LRRC7: variants seen among roughly 807,000 people sequenced by gnomAD.
The protein encoded by LRRC7 is leucine-rich repeat-containing protein 7.
LRRC7 carries 23 observed loss-of-function variants against 175.7 expected under a neutral mutation model. The ratio of observed to expected loss-of-function variants is 0.13; its 90% CI spans 0.09 to 0.19. The LOEUF (loss-of-function observed/expected upper bound fraction) is 0.19. LRRC7 is among the 10% of genes least tolerant of loss of function. The pLI, the probability that LRRC7 is intolerant of heterozygous loss-of-function variation, is 1.00. For missense variants in LRRC7, 1,354 were observed against 1,904.7 expected (o/e 0.71, Z 5.38); for synonymous variants, 685 against 680.9 (o/e 1.01, Z -0.09).
intron 25 of LRRC7, among the ~76,000 whole-genome samples, chr1:70,107,180 A>G (rs1340863692): frequency 6.6e-6 from 1 of 152,264 alleles, no homozygotes; most frequent in Admixed American, 6.5e-5. Flanking sequence ...CCACATAGTC[A>G]TAAACTTTAT....
intron 11 of LRRC7, among the ~76,000 whole-genome samples, chr1:70,000,108 A>C (rs988539121): frequency 3.3e-5 from 5 of 152,168 alleles, no homozygotes; most frequent in African/African-American, 1.2e-4. Context: ...CCTACTAATT[A>C]CTGGGGAAAC....
chr1:69,844,772 A>G (rs1200797137), intron 7 of LRRC7, among the ~76,000 whole-genome samples: 1 of 152,088 alleles, frequency 6.6e-6, no homozygotes, highest in African/African-American at 2.4e-5. Context: ...ACTATATTTT[A>G]CCATACTGTT....
chr1:69,819,236 C>T (rs563686529), intron 4 of LRRC7, among the ~76,000 whole-genome samples: 1 of 151,930 alleles, frequency 6.6e-6, no homozygotes, highest in Non-Finnish European at 1.5e-5. Flanking sequence ...TGCTGAATCC[C>T]ATAAGTTTTG....
chr1:69,916,019 C>T (rs1336483893), intron 7 of LRRC7, among the ~76,000 whole-genome samples: 7 of 126,984 alleles, frequency 5.5e-5, no homozygotes, highest in African/African-American at 1.5e-4. Context: ...GTGGTCTTAG[C>T]TATTTTATAT....
At chr1:69,618,979 T>C (rs1463417896) in intron 1 of LRRC7, among the ~76,000 whole-genome samples, 1 of 152,186 alleles carries the variant, frequency 6.6e-6, no homozygotes, top group Non-Finnish European at 1.5e-5. Flanking sequence ...AACTATCAAA[T>C]TTAGAAGCAC....
At chr1:69,901,579 G>A (rs1459131806) in intron 7 of LRRC7, among the ~76,000 whole-genome samples, 2 of 152,132 alleles carry the variant, frequency 1.3e-5, no homozygotes, top group East Asian at 3.9e-4. Context: ...ATGACCTACT[G>A]TAGCCTGATA....
chr1:69,792,420 C>T (rs1344986640), intron 4 of LRRC7, among the ~76,000 whole-genome samples: 3 of 151,944 alleles, frequency 2.0e-5, no homozygotes, highest in African/African-American at 4.8e-5. Flanking sequence ...TTTCTAGAAT[C>T]GTTTACTGCC....
intron 7 of LRRC7, among the ~76,000 whole-genome samples, chr1:69,890,963 T>C (rs960964099): frequency 7.2e-5 from 11 of 152,266 alleles, no homozygotes; most frequent in Non-Finnish European, 1.6e-4. Context: ...GAGAATGTTG[T>C]GGCTGGTTTG....
intron 1 of LRRC7, among the ~76,000 whole-genome samples, chr1:69,677,286 A>T (rs903309548): frequency 6.7e-6 from 1 of 149,190 alleles, no homozygotes; most frequent in African/African-American, 2.4e-5. Context: ...CATACATATC[A>T]TATATATCCC....
At chr1:69,717,969 GA>G (rs1557642443) in intron 2 of LRRC7, among the ~76,000 whole-genome samples, 5 of 96,368 alleles carry the variant, frequency 5.2e-5, no homozygotes, top group Non-Finnish European at 1.1e-4. Context: ...GAAAAAGAAA[GA>G]AAGAGAAAGA....
At chr1:69,785,486 C>T (rs1338955074) in intron 3 of LRRC7, among the ~76,000 whole-genome samples, 1 of 152,072 alleles carries the variant, frequency 6.6e-6, no homozygotes, top group East Asian at 1.9e-4. Flanking sequence ...TCCATTTTTA[C>T]TGAAGGCAAT....
chr1:69,604,143 T>TG (rs2101005464), intron 1 of LRRC7, among the ~76,000 whole-genome samples: 1 of 152,270 alleles, frequency 6.6e-6, no homozygotes, highest in African/African-American at 2.4e-5. Context: ...AGACAAGCTA[T>TG]GGCTTCTGTG....
chr1:69,978,184 G>A (rs1337313884), intron 8 of LRRC7, among the ~76,000 whole-genome samples: 3 of 152,224 alleles, frequency 2.0e-5, no homozygotes, highest in South Asian at 2.1e-4. Context: ...TCGGGAGGCC[G>A]AGGCAGGAGA....
intron 1 of LRRC7, among the ~76,000 whole-genome samples, chr1:69,647,155 G>A (rs954606265): frequency 6.6e-6 from 1 of 152,096 alleles, no homozygotes; most frequent in Non-Finnish European, 1.5e-5. Flanking sequence ...GGTCTTCAGT[G>A]AGAAATGAGT....
At chr1:69,672,935 C>A (rs1355173830) in intron 1 of LRRC7, among the ~76,000 whole-genome samples, 1 of 152,178 alleles carries the variant, frequency 6.6e-6, no homozygotes, top group Non-Finnish European at 1.5e-5. Flanking sequence ...TTTGATTGTG[C>A]TTTTCTGGCT....
At chr1:69,893,659 A>G (rs1557860385) in intron 7 of LRRC7, among the ~76,000 whole-genome samples, 1 of 152,250 alleles carries the variant, frequency 6.6e-6, no homozygotes, top group Non-Finnish European at 1.5e-5. Context: ...TAAATAGCTC[A>G]GAATGTTTCT....
chr1:69,787,541 A>G (rs543712173), intron 3 of LRRC7, among the ~76,000 whole-genome samples: 4 of 152,182 alleles, frequency 2.6e-5, no homozygotes, highest in East Asian at 3.9e-4. Flanking sequence ...ACAAACCCCA[A>G]TTTTGGACTT....
intron 7 of LRRC7, among the ~76,000 whole-genome samples, chr1:69,911,619 G>A (rs965901535): frequency 2.6e-5 from 4 of 152,240 alleles, no homozygotes; most frequent in African/African-American, 9.6e-5. Context: ...TGTCCCAGTG[G>A]CCAGAACTAG....
intron 2 of LRRC7, among the ~76,000 whole-genome samples, chr1:69,693,556 T>C (rs1662175272): frequency 6.6e-6 from 1 of 152,194 alleles, no homozygotes; most frequent in African/African-American, 2.4e-5. Context: ...TCTTTTTCTG[T>C]TAATGCCTTC....
Sources: allele counts gnomAD v4.1 joint callset (sites outside exome capture counted in the v4.1 genomes callset), GRCh38; gene constraint gnomAD v4.1.1; transcripts MANE v1.5; gene names NCBI Gene and HGNC (gene_info 2026-07-23, HGNC 2026-07-21).